AK9: variants seen among roughly 807,000 people sequenced by gnomAD.
AK9 encodes the protein adenylate kinase domain containing 1.
In AK9, 191 loss-of-function variants were observed where a neutral mutation model predicts 239.6. The observed-to-expected ratio is 0.80, with a 90% CI of 0.71 to 0.90. The LOEUF (loss-of-function observed/expected upper bound fraction) is 0.90, where lower values mean the gene tolerates loss of function less well. Among genes scored for constraint, AK9 ranks in the 40% least tolerant of loss-of-function variants. The pLI, the probability that AK9 is intolerant of heterozygous loss-of-function variation, is 0.00. For synonymous variants in AK9, 689 were observed against 721.0 expected (o/e 0.96, Z 0.71); for missense variants, 1,995 against 2,214.7 (o/e 0.90, Z 1.99).
In AK9 at chr6:109,672,496, A is replaced by T. The variant is rs559953992; in HGVS notation, c.182-329T>A. 6.8e-4 allele frequency among the ~76,000 whole-genome samples: 104 copies of T among 152,212 alleles called. 1 individual carries two copies. The highest frequency in any genetic ancestry group is 1.3e-3 in the Non-Finnish European group (89 of 67,990). ...CCAGAAGTTTGAGACCAGCCTAGGC[A>T]ACATAGGGAGACTACATTCCTACAA... On this transcript the variant is annotated intron_variant, in intron 3 of 40. Coordinates refer to ENST00000424296, the MANE Select transcript of AK9 (RefSeq NM_001145128.3).
rs1241646798 is a variant in AK9, at chr6:109,546,051, T to A, written c.3041A>T (p.Lys1014Ile). 6.2e-7 allele frequency: 1 copy of A among 1,613,662 alleles called. No individual in the cohort carries two copies. The highest frequency in any genetic ancestry group is 8.5e-7 in the Non-Finnish European group (1 of 1,179,850). The stretch of plus-strand genomic sequence containing the variant: ...AAACTGAATGTGAAAAATGTTTAAT[T>A]TTTCTGCCAACTGTCTTCCACACAT... ...KTMCGRQLAE[K>I]LNIFHIQFEE... The change falls in exon 26 of 41, where the codon AAA becomes ATA. Residue 1014 changes from lysine to isoleucine, a missense_variant. Around this residue, in one of 5 missense-constraint regions of AK9, gnomAD observed 1,290 missense variants for 1,392.7 expected, o/e 0.93. Transcript: ENST00000424296.
intron 24 of AK9, among the ~76,000 whole-genome samples, chr6:109,552,819 C>T (rs6900950): frequency 0.016 from 2,390 of 152,076 alleles, 65 homozygotes; most frequent in African/African-American, 0.054. Flanking sequence ...TTTTCTTCTA[C>T]GTTTTTTTAT....
At chr6:109,656,100 T>C (rs1295278579) in intron 8 of AK9, among the ~76,000 whole-genome samples, 7 of 152,186 alleles carry the variant, frequency 4.6e-5, no homozygotes, top group Non-Finnish European at 1.0e-4. Context: ...TAGCATAGAG[T>C]CTGGCTAAAT....
At chr6:109,506,134 G>T (rs1778093661) in intron 35 of AK9, among the ~76,000 whole-genome samples, 193 bp downstream of exon 35, 1 of 152,014 alleles carries the variant, frequency 6.6e-6, no homozygotes, top group Admixed American at 6.6e-5. Context: ...AATTTTGGGT[G>T]ATACAAATTT....
intron 17 of AK9, among the ~76,000 whole-genome samples, chr6:109,592,530 TC>T (rs1183102342): frequency 6.9e-6 from 1 of 144,276 alleles, no homozygotes; most frequent in East Asian, 2.2e-4. Context: ...CACTGCAAGC[TC>T]CACCTCCCAG....
At chr6:109,526,461 T>G (rs1054772627) in intron 29 of AK9, among the ~76,000 whole-genome samples, 29 of 152,076 alleles carry the variant, frequency 1.9e-4, no homozygotes, top group Non-Finnish European at 1.0e-4. Context: ...AATAAATTCA[T>G]AGTCTCAGAG....
intron 12 of AK9, among the ~76,000 whole-genome samples, chr6:109,622,776 T>C (rs1795038273): frequency 6.6e-6 from 1 of 151,628 alleles, no homozygotes; most frequent in Non-Finnish European, 1.5e-5. Context: ...AACTAGGCTA[T>C]GATGAACACA....
chr6:109,551,147 C>A (rs1427494209), intron 24 of AK9, among the ~76,000 whole-genome samples: 2 of 152,114 alleles, frequency 1.3e-5, no homozygotes, highest in African/African-American at 4.8e-5. Flanking sequence ...AAACAAGATA[C>A]AACAAACTTT....
chr6:109,510,780 A>C (rs969910466), intron 32 of AK9, among the ~76,000 whole-genome samples: 1 of 152,224 alleles, frequency 6.6e-6, no homozygotes, highest in Non-Finnish European at 1.5e-5. Context: ...CAGAGGTTTC[A>C]AGCCAGAAAA....
In AK9 at chr6:109,529,005, A is replaced by T; in HGVS notation, c.3633+6T>A. ...CTGTTTTGAAAAAAAAAACAAAACT[A>T]CTTACCTCCCTCCTTTTTTTATCTC... On this transcript the variant is annotated splice_donor_region_variant and intron_variant, in intron 29 of 40. Transcript: ENST00000424296. 1 of 1,600,620 alleles carries T rather than the reference A, an allele frequency of 6.2e-7. No individual in the cohort carries two copies. Among genetic ancestry groups the T allele is most frequent in the Admixed American group, 1.8e-5 (1 of 56,862 alleles).
In AK9 at chr6:109,523,275, A is replaced by T. The variant is rs866153383; in HGVS notation, c.3633+5736T>A. On this transcript the variant is annotated intron_variant, in intron 29 of 40. Transcript: ENST00000424296. ...TCTCAGGTTAATTCTTCCTAGGGAA[A>T]TTTTTTTTTTCATTTTTCTGTAGAT... Among the ~76,000 whole-genome samples the T allele has an allele frequency of 5.3e-5, 8 of 150,466 alleles. No homozygotes were observed. In the South Asian group the frequency reaches 8.4e-4, roughly 16 times the overall value.
At chr6:109,574,342 C>T (rs1207103528) in intron 20 of AK9, among the ~76,000 whole-genome samples, 3 of 152,018 alleles carry the variant, frequency 2.0e-5, no homozygotes, top group East Asian at 3.9e-4. Flanking sequence ...TCACTGCACT[C>T]CAGCCTGGGT....
intron 17 of AK9, among the ~76,000 whole-genome samples, chr6:109,601,011 T>A (rs1366614455): frequency 6.6e-6 from 1 of 152,224 alleles, no homozygotes; most frequent in African/African-American, 2.4e-5. Flanking sequence ...ATTTTGTTGA[T>A]CTTTTCAAAA....
chr6:109,562,477 T>C (rs937826535), intron 24 of AK9, among the ~76,000 whole-genome samples: 2 of 152,132 alleles, frequency 1.3e-5, no homozygotes, highest in African/African-American at 2.4e-5. Flanking sequence ...TTTCAGTTGA[T>C]TACTTTTTCT....
At chr6:109,647,115 T>C (rs924665746) in intron 8 of AK9, among the ~76,000 whole-genome samples, 16 of 152,168 alleles carry the variant, frequency 1.1e-4, no homozygotes, top group African/African-American at 3.9e-4. Context: ...GAACAACCAG[T>C]AACAGTCACT....
chr6:109,626,221 T>C (rs917864430), intron 12 of AK9, among the ~76,000 whole-genome samples: 2 of 102,378 alleles, frequency 2.0e-5, no homozygotes, highest in Admixed American at 1.2e-4. Context: ...TTCTCTATTC[T>C]CTTATAAAGA....
At chr6:109,541,065 T>A (rs1319405573) in intron 27 of AK9, among the ~76,000 whole-genome samples, 1 of 152,198 alleles carries the variant, frequency 6.6e-6, no homozygotes, top group Admixed American at 6.5e-5. Context: ...AATAGCTAAG[T>A]CCTGGCATGT....
intron 8 of AK9, among the ~76,000 whole-genome samples, chr6:109,650,166 G>T (rs866458635): frequency 1.4e-4 from 22 of 152,012 alleles, no homozygotes; most frequent in Non-Finnish European, 3.2e-4. Flanking sequence ...ATTCAGGACA[G>T]AGGCATGGGC....
At chr6:109,564,666 C>T (rs558404376) in intron 22 of AK9, 90 bp downstream of exon 22, 76 of 912,218 alleles carry the variant, frequency 8.3e-5, no homozygotes, top group African/African-American at 3.9e-4. Context: ...ATAAGTATGA[C>T]GCACCTACTA....
Sources: allele counts gnomAD v4.1 joint callset (sites outside exome capture counted in the v4.1 genomes callset), GRCh38; gene constraint gnomAD v4.1.1; regional missense constraint gnomAD v4.1.1; transcripts MANE v1.5; gene names NCBI Gene and HGNC (gene_info 2026-07-23, HGNC 2026-07-21).